PCNX2: variants seen among roughly 807,000 people sequenced by gnomAD.
PCNX2 encodes pecanex 2, also known as pecanex-like protein 2.
In PCNX2, 168 loss-of-function variants were observed where a neutral mutation model predicts 223.8. The ratio of observed to expected loss-of-function variants is 0.75; its 90% CI spans 0.66 to 0.85. The LOEUF (loss-of-function observed/expected upper bound fraction) is 0.85. PCNX2 is among the 40% of genes least tolerant of loss of function. The pLI is 0.00. For missense variants in PCNX2, 2,507 were observed against 2,675.5 expected, an observed-to-expected ratio of 0.94 and a Z score of 1.39; for synonymous variants, 1,006 against 1,052.6, an observed-to-expected ratio of 0.96 and a Z score of 0.86.
chr1:233,090,071 T>C lies in PCNX2; in HGVS notation c.4066A>G (p.Lys1356Glu). Reference protein sequence around the residue: ...SYVRPVKFWEKNYNTRRVDNS... With the variant: ...SYVRPVKFWEENYNTRRVDNS... ...ATTTTAGGATCTTACTTGTAGTTTT[T>C]CTCCCAGAATTTCACTGGCCTGACA... The change falls in exon 23 of 34, where the codon AAA (lysine) becomes GAA (glutamate). Residue 1356 changes from lysine to glutamate, a missense_variant. This residue lies in a region of PCNX2 where 1,372 missense variants were observed against 1,509.4 expected (regional missense o/e 0.91). Transcript: ENST00000258229. The C allele has an allele frequency of 6.2e-7, 1 of 1,613,774 alleles. No homozygotes were observed. The highest frequency in any genetic ancestry group is 8.5e-7 in the Non-Finnish European group (1 of 1,179,848).
intron 17 of PCNX2, among the ~76,000 whole-genome samples, chr1:233,169,412 C>T (rs1020542467): frequency 1.3e-5 from 2 of 151,348 alleles, no homozygotes; most frequent in East Asian, 1.9e-4. Context: ...TTTGGGAGGC[C>T]GAGACGGGCG....
intron 10 of PCNX2, among the ~76,000 whole-genome samples, chr1:233,225,303 A>T (rs1657641568): frequency 6.6e-6 from 1 of 152,026 alleles, no homozygotes; most frequent in East Asian, 1.9e-4. Flanking sequence ...TATTTAAAGA[A>T]CTCTTTCAAT....
chr1:233,186,343 C>T (rs899206592), intron 15 of PCNX2, among the ~76,000 whole-genome samples: 1 of 152,146 alleles, frequency 6.6e-6, no homozygotes, highest in African/African-American at 2.4e-5. Context: ...TGAATCCCAT[C>T]TTTAAGTAAA....
chr1:233,092,658 G>A (rs1558222707), intron 22 of PCNX2, among the ~76,000 whole-genome samples: 1 of 152,134 alleles, frequency 6.6e-6, no homozygotes, highest in East Asian at 1.9e-4. Flanking sequence ...AGAAAGAAGA[G>A]CTACTAAGAG....
the PCNX2 span, among the ~76,000 whole-genome samples, chr1:233,321,855 A>T: frequency 1.3e-5 from 2 of 152,186 alleles, no homozygotes; most frequent in East Asian, 1.9e-4. Flanking sequence ...TGCTTTTTGC[A>T]TCATCAGTGC....
At chr1:233,155,523 G>A (rs1184774547) in intron 19 of PCNX2, among the ~76,000 whole-genome samples, 1 of 152,168 alleles carries the variant, frequency 6.6e-6, no homozygotes, top group East Asian at 1.9e-4. Context: ...GTAAATAAAT[G>A]AATCTCAATA....
Position 233,295,421 on chromosome 1 carries a change from C to G in PCNX2, c.58G>C (p.Gly20Arg), listed in dbSNP as rs1323520645. Residue 20 changes from glycine to arginine, a missense_variant, in exon 1 of 34, where the codon GGC becomes CGC. Transcript: ENST00000258229. The surrounding 1 kb of genome is among the most constrained non-coding windows in gnomAD (Gnocchi z 4.1). ...CTCTGCTCCGGGTCGTGGTACCAGC[C>G]CCCGGTGAGCGCGGCCCACACGCCC... ...RQGVWAALTG[G>R]WYHDPEQSKF... The G allele has an allele frequency of 1.9e-6, 3 of 1,552,154 alleles. No homozygotes were observed. The highest frequency in any genetic ancestry group is 2.6e-6 in the Non-Finnish European group (3 of 1,147,380).
chr1:233,255,183 T>C (rs1453845965), intron 5 of PCNX2, among the ~76,000 whole-genome samples: 1 of 152,088 alleles, frequency 6.6e-6, no homozygotes, highest in Non-Finnish European at 1.5e-5. Context: ...ATAACCCCCA[T>C]AATAATTAGC....
Position 233,022,073 on chromosome 1 carries a change from T to C in PCNX2, c.4605+3073A>G, listed in dbSNP as rs369237857. 6.3e-3 allele frequency among the ~76,000 whole-genome samples: 958 copies of C among 152,238 alleles called. 9 individuals are homozygous for C. Among genetic ancestry groups the C allele is most frequent in the African/African-American group, 0.021 (874 of 41,538 alleles). ...CTCCCTTCTCTCCCACTCACGGTGA[T>C]CTGCTGGCCCCATGGTGACGAGTTG... On this transcript the variant is annotated intron_variant, in intron 26 of 33. Transcript: ENST00000258229.
rs1402460675 is a variant in PCNX2 at position 233,227,088 on chromosome 1, TAA to T, written c.2504+136_2504+137del. On this transcript the variant is annotated intron_variant, in intron 10 of 33. Coordinates refer to ENST00000258229, the MANE Select transcript of PCNX2 (RefSeq NM_014801.4). The stretch of plus-strand genomic sequence containing the variant: ...ATTTGTTGTCAGGATCTTTTTGCTT[TAA>T]CTTTGGGTTGTCAGCAAAGGAAGCG... The T allele has an allele frequency of 2.1e-4, 211 of 1,018,180 alleles. No individual in the cohort carries two copies. The African/African-American group carries it at 3.2e-3, about 16-fold the overall frequency. 63.1% of individuals were successfully genotyped at this position (1,018,180 alleles called of 1,614,324 possible).
At chr1:233,183,207 T>C (rs1467859257) in intron 15 of PCNX2, among the ~76,000 whole-genome samples, 9 of 152,248 alleles carry the variant, frequency 5.9e-5, no homozygotes. Flanking sequence ...GGCATCACCA[T>C]CCCTGAAGCA....
chr1:233,220,013 A>C (rs1657271071), intron 10 of PCNX2, among the ~76,000 whole-genome samples: 1 of 152,096 alleles, frequency 6.6e-6, no homozygotes, highest in Non-Finnish European at 1.5e-5. Context: ...TTTCCAGAGG[A>C]CCATATAGTT....
At chr1:233,156,871 T>C (rs527756792) in intron 19 of PCNX2, among the ~76,000 whole-genome samples, 2 of 152,140 alleles carry the variant, frequency 1.3e-5, no homozygotes, top group East Asian at 1.9e-4. Flanking sequence ...TGAGCCGAGA[T>C]TGCACCACTG....
upstream of PCNX2, among the ~76,000 whole-genome samples, chr1:233,299,078 T>G (rs1662218703): frequency 6.6e-6 from 1 of 152,138 alleles, no homozygotes; most frequent in Non-Finnish European, 1.5e-5. Context: ...CTCAGCATGT[T>G]CAAATGTGAA....
chr1:233,130,172 C>T (rs991957508), intron 21 of PCNX2, among the ~76,000 whole-genome samples: 2 of 152,120 alleles, frequency 1.3e-5, no homozygotes, highest in African/African-American at 4.8e-5. Flanking sequence ...CCGAACACAT[C>T]CGAACATCGG....
the PCNX2 span, among the ~76,000 whole-genome samples, chr1:233,312,104 G>A: frequency 6.6e-6 from 1 of 152,052 alleles, no homozygotes; most frequent in Admixed American, 6.6e-5. Flanking sequence ...CTCCAGCCTG[G>A]GCTACAGAGC....
chr1:233,129,323 G>C (rs549246158), intron 21 of PCNX2, among the ~76,000 whole-genome samples: 1 of 152,172 alleles, frequency 6.6e-6, no homozygotes, highest in Non-Finnish European at 1.5e-5. Context: ...ATTTCTCGCC[G>C]GGCCTTAGCT....
At chr1:233,077,861 A>G (rs1673167944) in intron 23 of PCNX2, among the ~76,000 whole-genome samples, 1 of 146,086 alleles carries the variant, frequency 6.8e-6, no homozygotes, top group Non-Finnish European at 1.5e-5. Flanking sequence ...GTTTACAGGG[A>G]GAGCCAAACA....
At chr1:233,292,045 T>C in intron 1 of PCNX2, 1 of 965,346 alleles carries the variant, frequency 1.0e-6, no homozygotes, top group Non-Finnish European at 1.2e-6. Flanking sequence ...TGCTAATTAA[T>C]CACTATTTTC....
Sources: allele counts gnomAD v4.1 joint callset (sites outside exome capture counted in the v4.1 genomes callset), GRCh38; gene constraint gnomAD v4.1.1; regional missense constraint gnomAD v4.1.1; non-coding constraint Gnocchi (gnomAD v3.1); transcripts MANE v1.5; gene names NCBI Gene and HGNC (gene_info 2026-07-23, HGNC 2026-07-21).